The following FAR2 variants were observed in gnomAD, a reference collection of about 807,000 sequenced individuals.
The protein encoded by FAR2 is epididymis secretory protein Li 81.
In FAR2, 19 loss-of-function variants were observed where a neutral mutation model predicts 56.0. That is an observed-to-expected ratio of 0.34 (90% CI 0.24 to 0.50). The LOEUF (loss-of-function observed/expected upper bound fraction) is 0.50, where lower values mean the gene tolerates loss of function less well. Ranked by LOEUF, FAR2 falls within the 20% of genes least tolerant of loss-of-function variation. The pLI is 0.98. For synonymous variants in FAR2, 219 were observed against 218.8 expected (o/e 1.00, Z -0.01); for missense variants, 508 against 642.2 (o/e 0.79, Z 2.26).
At chr12:29,236,521 G>T (rs114474958) in intron 1 of FAR2, among the ~76,000 whole-genome samples, 2,010 of 152,280 alleles carry the variant, frequency 0.013, 42 homozygotes, top group African/African-American at 0.046. Context: ...GGTGAAAGGG[G>T]AAGCAGGCAC....
At chr12:29,192,538 T>G (rs1950111293) in intron 1 of FAR2, among the ~76,000 whole-genome samples, 1 of 152,242 alleles carries the variant, frequency 6.6e-6, no homozygotes, top group Non-Finnish European at 1.5e-5. Context: ...TTTACGTGGT[T>G]ACCTACTGGT....
intron 9 of FAR2, chr12:29,317,661 T>C (rs1949475521): frequency 6.6e-6 from 1 of 152,658 alleles, no homozygotes; most frequent in Non-Finnish European, 1.5e-5. Flanking sequence ...GTTTTCTGAA[T>C]AGGTAGATAA....
At chr12:29,203,073 A>C (rs1480035840) in intron 1 of FAR2, among the ~76,000 whole-genome samples, 3 of 152,218 alleles carry the variant, frequency 2.0e-5, no homozygotes, top group African/African-American at 7.2e-5. Flanking sequence ...TAAGACCCTG[A>C]GAATTTATGG....
chr12:29,240,084 A>G (rs1193171578), intron 1 of FAR2, among the ~76,000 whole-genome samples: 1 of 152,214 alleles, frequency 6.6e-6, no homozygotes, highest in Non-Finnish European at 1.5e-5. Context: ...TTTCTCTATC[A>G]AAAAGACAAA....
At chr12:29,257,595 C>T (rs945138854) in intron 1 of FAR2, among the ~76,000 whole-genome samples, 1 of 152,146 alleles carries the variant, frequency 6.6e-6, no homozygotes, top group Non-Finnish European at 1.5e-5. Flanking sequence ...ACACTCACTG[C>T]GAAGGTCTGC....
intron 2 of FAR2, among the ~76,000 whole-genome samples, chr12:29,289,478 G>A (rs762581479): frequency 5.9e-5 from 9 of 152,122 alleles, no homozygotes; most frequent in Non-Finnish European, 1.3e-4. Flanking sequence ...TTGGGAAAAC[G>A]ATATCCAGAT....
At chr12:29,282,484 G>C (rs1346778424) in intron 2 of FAR2, 2 of 152,178 alleles carry the variant, frequency 1.3e-5, no homozygotes, top group African/African-American at 2.4e-5. Context: ...GTAGGGCCTG[G>C]TATAGCTTTT....
intron 4 of FAR2, among the ~76,000 whole-genome samples, chr12:29,307,007 G>A (rs1949262324): frequency 2.0e-5 from 3 of 152,152 alleles, no homozygotes; most frequent in South Asian, 4.1e-4. Context: ...GATTTGCATT[G>A]AGTGGAATTT....
chr12:29,226,542 A>G (rs913063072), intron 1 of FAR2, among the ~76,000 whole-genome samples: 2 of 152,236 alleles, frequency 1.3e-5, no homozygotes, highest in African/African-American at 4.8e-5. Flanking sequence ...CTTTCAAACT[A>G]TGGGAAACAA....
chr12:29,264,930 G>T (rs1948488129), intron 1 of FAR2, among the ~76,000 whole-genome samples: 1 of 151,912 alleles, frequency 6.6e-6, no homozygotes, highest in African/African-American at 2.4e-5. Flanking sequence ...ATTTACAGTA[G>T]CTACAAATAA....
intron 1 of FAR2, among the ~76,000 whole-genome samples, chr12:29,193,792 A>G (rs1334236569): frequency 6.6e-5 from 10 of 152,214 alleles, no homozygotes; most frequent in Admixed American, 6.5e-4. Context: ...ATCATATGGT[A>G]TGAGCATGTT....
intron 4 of FAR2, among the ~76,000 whole-genome samples, chr12:29,297,659 CCATTTTA>C (rs1949093374): frequency 6.6e-6 from 1 of 152,032 alleles, no homozygotes; most frequent in East Asian, 1.9e-4. Flanking sequence ...TAAAATGGGC[CCATTTTA>C]TAGTTGTGAG....
intron 1 of FAR2, among the ~76,000 whole-genome samples, chr12:29,201,462 A>G (rs1346245401): frequency 6.6e-6 from 1 of 152,196 alleles, no homozygotes; most frequent in Admixed American, 6.5e-5. Context: ...CTGATTTCAG[A>G]CAGTTATACC....
intron 1 of FAR2, among the ~76,000 whole-genome samples, chr12:29,201,205 C>T (rs1274019976): frequency 6.6e-6 from 1 of 152,184 alleles, no homozygotes; most frequent in Non-Finnish European, 1.5e-5. Context: ...ATTCCTCTTA[C>T]TGTTTCACAG....
intron 1 of FAR2, among the ~76,000 whole-genome samples, chr12:29,175,883 T>TTCAAG (rs1177322239): frequency 1.3e-5 from 2 of 152,320 alleles, no homozygotes; most frequent in African/African-American, 4.8e-5. Context: ...AGAAAAGTTC[T>TTCAAG]TCAAGTCCCC....
At chr12:29,196,211 A>G (rs1950142304) in intron 1 of FAR2, among the ~76,000 whole-genome samples, 2 of 151,800 alleles carry the variant, frequency 1.3e-5, no homozygotes, top group South Asian at 4.2e-4. Flanking sequence ...TTGGGTAGAT[A>G]CTCGGTAGTG....
At chr12:29,212,374 A>T (rs2136629859) in intron 1 of FAR2, among the ~76,000 whole-genome samples, 1 of 152,028 alleles carries the variant, frequency 6.6e-6, no homozygotes. Flanking sequence ...TGGTAGTTCC[A>T]CTCCATGATT....
chr12:29,252,895 G>T (rs891213463), intron 1 of FAR2, among the ~76,000 whole-genome samples: 1 of 152,164 alleles, frequency 6.6e-6, no homozygotes, highest in African/African-American at 2.4e-5. Flanking sequence ...TTCTGTGAAG[G>T]TGCTTCTGGA....
chr12:29,174,794 C>G (rs927513393), intron 1 of FAR2, among the ~76,000 whole-genome samples: 4 of 152,080 alleles, frequency 2.6e-5, no homozygotes, highest in Admixed American at 2.0e-4. Flanking sequence ...GGCGTTAGGA[C>G]CCAGGAGGCA....
Sources: allele counts gnomAD v4.1 joint callset (sites outside exome capture counted in the v4.1 genomes callset), GRCh38; gene constraint gnomAD v4.1.1; transcripts MANE v1.5; gene names NCBI Gene and HGNC (gene_info 2026-07-23, HGNC 2026-07-21).